Variants in MAPKAP1 observed in about 807,000 individuals in gnomAD.
The protein encoded by MAPKAP1 is MAPK associated protein 1, also known as target of rapamycin complex 2 subunit MAPKAP1.
Under a neutral mutation model 65.7 loss-of-function variants are expected in MAPKAP1, and 20 were observed. The ratio of observed to expected loss-of-function variants is 0.30; its 90% CI spans 0.21 to 0.44. The LOEUF is 0.44. MAPKAP1 is among the 20% of genes least tolerant of loss of function. The pLI is 1.00. For synonymous variants in MAPKAP1, 222 were observed against 244.3 expected, an observed-to-expected ratio of 0.91 and a Z score of 0.85; for missense variants, 423 against 648.0, an observed-to-expected ratio of 0.65 and a Z score of 3.77.
chr9:125,558,095 G>T (rs890178119), intron 6 of MAPKAP1, among the ~76,000 whole-genome samples: 2 of 151,964 alleles, frequency 1.3e-5, no homozygotes, highest in African/African-American at 4.8e-5. Flanking sequence ...GACCCTCCTC[G>T]GCCTCCCAAA....
At chr9:125,444,417 G>T in intron 11 of MAPKAP1, 84 bp downstream of exon 11, 1 of 1,053,026 alleles carries the variant, frequency 9.5e-7, no homozygotes, top group Non-Finnish European at 1.4e-6. Context: ...CTGCGGAGTG[G>T]GTGGGGCTGC....
At chr9:125,637,428 G>C (rs1251296093) in intron 4 of MAPKAP1, among the ~76,000 whole-genome samples, 2 of 152,120 alleles carry the variant, frequency 1.3e-5, no homozygotes, top group African/African-American at 4.8e-5. Flanking sequence ...AAATGGGCCA[G>C]ATGTATGAAA....
At chr9:125,520,224 G>A (rs1206900903) in intron 7 of MAPKAP1, among the ~76,000 whole-genome samples, 5 of 152,166 alleles carry the variant, frequency 3.3e-5, no homozygotes, top group Admixed American at 6.5e-5. Context: ...CAAGTAAAAC[G>A]TGTAAGTAGA....
chr9:125,484,674 T>G (rs1043564123), intron 8 of MAPKAP1, 91 bp from the exon 9 acceptor site: 1 of 1,276,434 alleles, frequency 7.8e-7, no homozygotes, highest in African/African-American at 1.5e-5. Context: ...ATTAAAATAA[T>G]ATGGGCTATT....
In MAPKAP1 at chr9:125,592,657, C is replaced by T. The variant is rs537915093; in HGVS notation, c.499-6930G>A. Among the ~76,000 whole-genome samples, 103 of 152,196 alleles carry T rather than the reference C, an allele frequency of 6.8e-4. 4 individuals carry two copies. In the South Asian group the frequency reaches 0.02, roughly 29 times the overall value. ...CAGTGGCTCATGCCTGTAATCCCAG[C>T]GCTTTGGGAGGCCGAGGCGGGCAGA... On this transcript the variant is annotated intron_variant, in intron 4 of 11. Transcript: ENST00000265960.
At chr9:125,551,504 C>T (rs1176254866) in intron 6 of MAPKAP1, among the ~76,000 whole-genome samples, 1 of 152,162 alleles carries the variant, frequency 6.6e-6, no homozygotes, top group African/African-American at 2.4e-5. Flanking sequence ...AGCTGTTACC[C>T]AAAGAGCTCT....
intron 5 of MAPKAP1, among the ~76,000 whole-genome samples, chr9:125,580,499 A>T (rs1831585911): frequency 7.8e-6 from 1 of 129,022 alleles, no homozygotes; most frequent in Admixed American, 9.5e-5. Flanking sequence ...GAACACTTGG[A>T]CACAGGGCGG....
At chr9:125,481,865 T>TCA (rs1357124919) in intron 9 of MAPKAP1, among the ~76,000 whole-genome samples, 3 of 151,694 alleles carry the variant, frequency 2.0e-5, no homozygotes, top group Admixed American at 6.6e-5. Flanking sequence ...GCGTGGTGGT[T>TCA]CACGCCTGTA....
chr9:125,616,384 T>A (rs1466304750), intron 4 of MAPKAP1, among the ~76,000 whole-genome samples: 2 of 152,152 alleles, frequency 1.3e-5, no homozygotes, highest in Non-Finnish European at 2.9e-5. Flanking sequence ...GAATTTCTGT[T>A]CATTAAAAAG....
chr9:125,532,230 T>G (rs1016990770), intron 7 of MAPKAP1, among the ~76,000 whole-genome samples: 4 of 152,238 alleles, frequency 2.6e-5, no homozygotes, highest in Admixed American at 2.6e-4. Context: ...TTTATATATC[T>G]CCTTGGTTTT....
intron 3 of MAPKAP1, among the ~76,000 whole-genome samples, chr9:125,665,583 A>G (rs1420771450): frequency 1.3e-5 from 2 of 152,196 alleles, no homozygotes; most frequent in Non-Finnish European, 2.9e-5. Context: ...TTTCGGACTC[A>G]GCCCGCCTGC....
intron 2 of MAPKAP1, among the ~76,000 whole-genome samples, chr9:125,670,124 AT>A (rs1834453010): frequency 6.6e-6 from 1 of 152,212 alleles, no homozygotes; most frequent in South Asian, 2.1e-4. Context: ...TAAAACACTA[AT>A]AGAGATCATA....
At chr9:125,596,570 G>T (rs192849582) in intron 4 of MAPKAP1, 2 of 689,856 alleles carry the variant, frequency 2.9e-6, no homozygotes, top group African/African-American at 3.5e-5. Flanking sequence ...CCACAAAACC[G>T]AGGTGGCTAT....
At chr9:125,647,811 G>A (rs1007977709) in intron 4 of MAPKAP1, among the ~76,000 whole-genome samples, 1 of 152,098 alleles carries the variant, frequency 6.6e-6, no homozygotes, top group Non-Finnish European at 1.5e-5. Context: ...TGTATTCGAT[G>A]GATAGAGATG....
chr9:125,695,650 G>A (rs1835360556), intron 1 of MAPKAP1, among the ~76,000 whole-genome samples: 1 of 152,002 alleles, frequency 6.6e-6, no homozygotes, highest in African/African-American at 2.4e-5. Context: ...TTGTACATAA[G>A]AGAATCAGTA....
At position 125,672,299 on chromosome 9, in the gene MAPKAP1, T is replaced by A; in HGVS notation, c.259+17A>T. The A allele has an allele frequency of 6.2e-7, 1 of 1,613,230 alleles. No homozygotes were observed. The highest frequency in any genetic ancestry group is 1.3e-5 in the African/African-American group (1 of 75,032). ...TGATTTAAAGCTCAGAAGACATGAC[T>A]AGAACACAATGTTTACCTGTGTTTG... is the stretch of plus-strand genomic sequence containing the variant. On this transcript the variant is annotated intron_variant, in intron 2 of 11. Coordinates refer to ENST00000265960, the MANE Select transcript of MAPKAP1 (RefSeq NM_001006617.3).
At chr9:125,472,700 C>T (rs1853965971) in intron 9 of MAPKAP1, among the ~76,000 whole-genome samples, 1 of 152,076 alleles carries the variant, frequency 6.6e-6, no homozygotes, top group South Asian at 2.1e-4. Context: ...GTTGATCCAA[C>T]AATGATGAAA....
intron 3 of MAPKAP1, among the ~76,000 whole-genome samples, chr9:125,667,644 C>T (rs1834378686): frequency 6.6e-6 from 1 of 152,148 alleles, no homozygotes; most frequent in Admixed American, 6.5e-5. Context: ...AACTCCTGGC[C>T]TCAACTGATC....
chr9:125,480,828 CG>C (rs1854282464), intron 9 of MAPKAP1, among the ~76,000 whole-genome samples: 1 of 151,320 alleles, frequency 6.6e-6, no homozygotes. Context: ...AAAAATTAGC[CG>C]GGCGTGGTGG....
Sources: allele counts gnomAD v4.1 joint callset (sites outside exome capture counted in the v4.1 genomes callset), GRCh38; gene constraint gnomAD v4.1.1; transcripts MANE v1.5; gene names NCBI Gene and HGNC (gene_info 2026-07-23, HGNC 2026-07-21).